ATRX: variants seen among roughly 807,000 people sequenced by gnomAD.
ATRX encodes the protein ATRX chromatin remodeler, also known as chromatin remodeler ATRX.
In ATRX, 12 loss-of-function variants were observed where a neutral mutation model predicts 172.6. The ratio of observed to expected loss-of-function variants is 0.07; its 90% CI spans 0.04 to 0.11. The LOEUF (loss-of-function observed/expected upper bound fraction) is 0.11, where lower values mean the gene tolerates loss of function less well. Among genes scored for constraint, ATRX ranks in the 10% least tolerant of loss-of-function variants. The pLI, the probability that ATRX is intolerant of heterozygous loss-of-function variation, is 1.00. For synonymous variants in ATRX, 674 were observed against 594.7 expected, an observed-to-expected ratio of 1.13 and a Z score of -1.94; for missense variants, 1,368 against 1,767.4, an observed-to-expected ratio of 0.77 and a Z score of 4.05.
Position 77,652,300 on chromosome X carries a change from CTCCTCCTCT to C in ATRX, c.4362_4370del (p.Glu1462_Glu1464del), listed in dbSNP as rs781816162. 9.1e-6 allele frequency: 11 copies of C among 1,208,290 alleles called. No homozygotes were observed. The highest frequency in any genetic ancestry group is 1.8e-5 in the South Asian group (1 of 56,933). ...CATCTTCCTCCTCCTCTTCCTCCTC[CTCCTCCTCT>C]TCCTCCTCCTCTTCTTTTTCCTCCT... On this transcript the variant is annotated inframe_deletion, in exon 15 of 35. Transcript: ENST00000373344.
intron 1 of ATRX, among the ~76,000 whole-genome samples, chrX:77,777,526 C>T (rs2076401994): frequency 8.9e-6 from 1 of 111,988 alleles, no homozygotes; most frequent in African/African-American, 3.2e-5. Flanking sequence ...CAAATTTTGT[C>T]GTATGCTTCA....
intron 1 of ATRX, among the ~76,000 whole-genome samples, chrX:77,756,007 CCT>C (rs1434988060): frequency 2.7e-5 from 3 of 112,257 alleles, no homozygotes; most frequent in Non-Finnish European, 5.6e-5. Flanking sequence ...TCTATAAGCC[CCT>C]GACTGGGGCT....
chrX:77,656,160 G>A (rs2069539626), intron 13 of ATRX, among the ~76,000 whole-genome samples: 1 of 111,457 alleles, frequency 9.0e-6, no homozygotes, highest in Non-Finnish European at 1.9e-5. Context: ...GCCCACAATA[G>A]TCAGTCAAGT....
At chrX:77,770,634 A>G (rs781812610) in intron 1 of ATRX, among the ~76,000 whole-genome samples, 9 of 112,075 alleles carry the variant, frequency 8.0e-5, no homozygotes, top group African/African-American at 9.7e-5. Context: ...ATTGTTCTAT[A>G]CTCTTCAAAA....
chrX:77,626,740 CAAT>C (rs1272427980), intron 19 of ATRX, among the ~76,000 whole-genome samples: 42 of 111,925 alleles, frequency 3.8e-4, no homozygotes, highest in Admixed American at 1.8e-3. Context: ...ATAAATGAAA[CAAT>C]AATGAGACTA....
intron 6 of ATRX, among the ~76,000 whole-genome samples, chrX:77,692,851 G>A (rs1193257064): frequency 1.5e-5 from 1 of 67,671 alleles, no homozygotes; most frequent in South Asian, 6.0e-4. Context: ...ATTAGAGTGT[G>A]TGTGTGTGTG....
At chrX:77,780,974 T>C (rs1197258637) in intron 1 of ATRX, among the ~76,000 whole-genome samples, 1 of 110,515 alleles carries the variant, frequency 9.0e-6, no homozygotes, top group East Asian at 2.9e-4. Flanking sequence ...TCTAGTCTTG[T>C]TCGTTCTGCA....
chrX:77,716,323 A>AAATAT (rs1557165064), intron 2 of ATRX, among the ~76,000 whole-genome samples: 118 of 21,009 alleles, frequency 5.6e-3, no homozygotes, highest in African/African-American at 6.7e-3. Context: ...AAAAAAAAAA[A>AAATAT]ATATATATAT....
intron 15 of ATRX, among the ~76,000 whole-genome samples, chrX:77,643,566 G>T (rs1346799949): frequency 9.0e-6 from 1 of 110,671 alleles, no homozygotes; most frequent in Non-Finnish European, 1.9e-5. Flanking sequence ...GACTATAGGT[G>T]TGCACCACCA....
chrX:77,683,555 T>C lies in ATRX; in HGVS notation c.1701A>G (p.Ser567=). The change falls in exon 9 of 35, where the codon TCA becomes TCG. Residue 567 remains serine, a synonymous_variant. Transcript: ENST00000373344. ...ATTTAATACCTCCTCTGTTGTCTTTTGAAGAAATATTTAATTTTACAGATG... is the reference window on the plus strand; with the variant it reads ...ATTTAATACCTCCTCTGTTGTCTTTCGAAGAAATATTTAATTTTACAGATG... The part of the protein sequence containing the change: ...ESSSVKLNIS[S]KDNRGGIKSK... 1 of 1,210,458 alleles carries C rather than the reference T, an allele frequency of 8.3e-7. No individual in the cohort carries two copies. The highest frequency in any genetic ancestry group is 1.1e-6 in the Non-Finnish European group (1 of 894,622).
chrX:77,743,452 A>G (rs1262714376), intron 1 of ATRX, among the ~76,000 whole-genome samples: 1 of 110,805 alleles, frequency 9.0e-6, no homozygotes, highest in Admixed American at 9.7e-5. Context: ...CCAGGCTTTG[A>G]CCTGGCTGAG....
In ATRX at chrX:77,710,025, G is replaced by A. The variant is rs782776889; in HGVS notation, c.133+7106C>T. 6.3e-5 allele frequency among the ~76,000 whole-genome samples: 7 copies of A among 110,897 alleles called. No homozygotes were observed. In the South Asian group the frequency reaches 1.5e-3, roughly 24 times the overall value. On this transcript the variant is annotated intron_variant, in intron 2 of 34. Transcript: ENST00000373344. Reference sequence around the variant, plus strand: ...AAACAAACTGTGGTACAGGCCAGGCGCGGTGGCTCACACCTGTAATCCCAG... The same window carrying A: ...AAACAAACTGTGGTACAGGCCAGGCACGGTGGCTCACACCTGTAATCCCAG...
rs1057523431 is a variant in ATRX, at chrX:77,682,381, C to A, written c.2875G>T (p.Asp959Tyr). 1.8e-5 allele frequency: 22 copies of A among 1,209,539 alleles called. No individual in the cohort carries two copies. Among genetic ancestry groups the A allele is most frequent in the Non-Finnish European group, 2.3e-5 (21 of 895,040 alleles). Residue 959 changes from aspartate (D) to tyrosine (Y), a missense_variant, in exon 9 of 35, where the codon GAT (aspartate) becomes TAT (tyrosine). Asp to Tyr is a radical substitution (Grantham distance 160). This residue lies in a region of ATRX where 843 missense variants were observed against 643.1 expected (regional missense o/e 1.31). Transcript: ENST00000373344. The stretch of plus-strand genomic sequence containing the variant: ...TTCTCTGCAATATCAGATAAGCCAT[C>A]CTGTACTTTTTTACATGTTTTGGTT... ...LKTKTCKKVQ[D>Y]GLSDIAEKFL...
At chrX:77,671,568 T>C (rs375058883) in intron 10 of ATRX, among the ~76,000 whole-genome samples, 81 of 110,342 alleles carry the variant, frequency 7.3e-4, no homozygotes, top group African/African-American at 1.4e-3. Context: ...AAAAAATATA[T>C]TCAAATTAAT....
rs1322320125 is a variant in ATRX, at chrX:77,656,593, C to A, written c.4181G>T (p.Ser1394Ile). The change falls in exon 13 of 35, where the codon AGT (serine) becomes ATT (isoleucine). Residue 1394 changes from serine to isoleucine, a missense_variant. Ser to Ile is a moderately radical substitution (Grantham distance 142). Around this residue, in one of 17 missense-constraint regions of ATRX, gnomAD observed 119 missense variants for 131.3 expected, o/e 0.91. Coordinates refer to ENST00000373344, the MANE Select transcript of ATRX (RefSeq NM_000489.6). ...GGGCCGCTGTTCATCTTCGGATTCA[C>A]TAACTTCTTCACTAACTCCTGATTC... ...FQESGVSEEV[S>I]ESEDEQRPRT... 14 of 1,206,977 alleles carry A rather than the reference C, an allele frequency of 1.2e-5. No homozygotes were observed. The highest frequency in any genetic ancestry group is 1.5e-5 in the Non-Finnish European group (13 of 893,744).
At chrX:77,572,396 C>T (rs986528359) in intron 28 of ATRX, among the ~76,000 whole-genome samples, 3 of 111,198 alleles carry the variant, frequency 2.7e-5, no homozygotes, top group East Asian at 2.8e-4. Context: ...TGAAATTCTT[C>T]GGGTCCCTAG....
At chrX:77,674,781 A>G (rs1307715329) in intron 10 of ATRX, 1 of 111,793 alleles carries the variant, frequency 8.9e-6, no homozygotes, top group African/African-American at 3.2e-5. Flanking sequence ...CTTAAAAAAG[A>G]GTAAAATTTT....
rs1253799370 is a variant in ATRX at position 77,600,557 on chromosome X, G to A, written c.5574C>T (p.Gly1858=). 8.3e-7 allele frequency: 1 copy of A among 1,207,939 alleles called. No homozygotes were observed. The highest frequency in any genetic ancestry group is 1.1e-6 in the Non-Finnish European group (1 of 894,064). The change falls in exon 23 of 35, where the codon GGC becomes GGT. Residue 1858 remains glycine, a synonymous_variant. Coordinates refer to ENST00000373344, the MANE Select transcript of ATRX (RefSeq NM_000489.6). ...TTCCTCTTCCACCTTCACTATTATT[G>A]CCCACACCTGATCAAAAGAAATATG... ...QYYLDHLTGV[G]NNSEGGRGKA... is the part of the protein sequence containing the mutation.
chrX:77,761,176 G>T (rs2075702513), intron 1 of ATRX, among the ~76,000 whole-genome samples: 1 of 111,691 alleles, frequency 9.0e-6, no homozygotes, highest in South Asian at 3.7e-4. Context: ...CTTAAACAGT[G>T]AGTTTTGGCC....
Sources: allele counts gnomAD v4.1 joint callset (sites outside exome capture counted in the v4.1 genomes callset), GRCh38; gene constraint gnomAD v4.1.1; regional missense constraint gnomAD v4.1.1; transcripts MANE v1.5; gene names NCBI Gene and HGNC (gene_info 2026-07-23, HGNC 2026-07-21).